TADA3: variants seen among roughly 807,000 people sequenced by gnomAD.
TADA3 encodes transcriptional adaptor 3.
TADA3 carries 25 observed loss-of-function variants against 43.2 expected under a neutral mutation model. That is an observed-to-expected ratio of 0.58 (90% CI 0.42 to 0.81). The LOEUF (loss-of-function observed/expected upper bound fraction) is 0.81. TADA3 is among the 30% of genes least tolerant of loss of function. The pLI is 0.00. For synonymous variants in TADA3, 235 were observed against 225.5 expected, an observed-to-expected ratio of 1.04 and a Z score of -0.38; for missense variants, 441 against 567.8, an observed-to-expected ratio of 0.78 and a Z score of 2.27.
rs1422518061 is a variant in TADA3 at position 9,790,719 on chromosome 3, T to C, written c.207+541A>G. On this transcript the variant is annotated intron_variant, in intron 2 of 8. Coordinates refer to ENST00000301964, the MANE Select transcript of TADA3 (RefSeq NM_006354.5). ...TGAGTTTTTGCAAAAAATTCTCTTT[T>C]AATCCTCACAAAAGCACTAAGGTAG... Among the ~76,000 whole-genome samples, 6 of 152,214 alleles carry C rather than the reference T, an allele frequency of 3.9e-5. No homozygotes were observed. The East Asian group carries it at 9.6e-4, about 24-fold the overall frequency.
intron 2 of TADA3, among the ~76,000 whole-genome samples, chr3:9,790,538 T>G (rs950963978): frequency 6.6e-6 from 1 of 152,206 alleles, no homozygotes; most frequent in Admixed American, 6.5e-5. Context: ...CATAAGCTAC[T>G]GAGGACCAGA....
chr3:9,791,764 G>C (rs1325864292), intron 1 of TADA3, among the ~76,000 whole-genome samples: 1 of 152,240 alleles, frequency 6.6e-6, no homozygotes, highest in East Asian at 1.9e-4. Context: ...GACTCTGTAA[G>C]GGTGGGTATG....
intron 6 of TADA3, among the ~76,000 whole-genome samples, 159 bp from the exon 7 acceptor site, chr3:9,785,584 T>C (rs1478182571): frequency 6.6e-6 from 1 of 152,222 alleles, no homozygotes; most frequent in South Asian, 2.1e-4. Flanking sequence ...CAAATTGCTT[T>C]GATCATTCTA....
chr3:9,791,238 G>A (rs538140725), intron 2 of TADA3, 22 bp downstream of exon 2: 3 of 1,601,358 alleles, frequency 1.9e-6, no homozygotes, highest in South Asian at 1.1e-5. Context: ...CTCTGGTGCT[G>A]GCCCCTCTCT....
In TADA3 at chr3:9,783,887, T is replaced by G. The variant is rs969936973; in HGVS notation, c.1106+141A>C. 5.0e-6 allele frequency: 7 copies of G among 1,396,380 alleles called. No individual in the cohort carries two copies. The African/African-American group carries it at 1.0e-4, about 20-fold the overall frequency. 86.5% of individuals were successfully genotyped at this position (1,396,380 alleles called of 1,614,324 possible). ...GGGACATACCCGGTGGACTGGCCAC[T>G]GCTGTTTTTTTCGAGGCTCTCCAGG... On this transcript the variant is annotated intron_variant, in intron 8 of 8. Coordinates refer to ENST00000301964, the MANE Select transcript of TADA3 (RefSeq NM_006354.5).
At chr3:9,785,969 C>T (rs768071997) in intron 6 of TADA3, among the ~76,000 whole-genome samples, 1 of 151,474 alleles carries the variant, frequency 6.6e-6, no homozygotes, top group Non-Finnish European at 1.5e-5. Context: ...TGGAGTCTCA[C>T]TTTGTCACCC....
chr3:9,786,507 C>A (rs2078615639), intron 6 of TADA3, among the ~76,000 whole-genome samples: 1 of 151,810 alleles, frequency 6.6e-6, no homozygotes, highest in Admixed American at 6.6e-5. Context: ...AAAGACAGGG[C>A]CCCTGAAGCT....
chr3:9,784,260 A>G, intron 7 of TADA3, 47 bp from the exon 8 acceptor site: 1 of 1,577,070 alleles, frequency 6.3e-7, no homozygotes, highest in Non-Finnish European at 8.7e-7. Context: ...AGCTTGGAGA[A>G]GGGCCCACCT....
At chr3:9,782,148 A>G (rs2078484097) in intron 8 of TADA3, among the ~76,000 whole-genome samples, 1 of 151,904 alleles carries the variant, frequency 6.6e-6, no homozygotes, top group Non-Finnish European at 1.5e-5. Flanking sequence ...AGGGCCCACT[A>G]CTTCTGTAAC....
rs1559720807 is a variant in TADA3, at chr3:9,789,544, G to A, written c.529C>T (p.Leu177=). ...SEEVRTLEEL[L]KPPEDEAEHY... ...TCAGCCTCATCTTCTGGGGGCTTCA[G>A]TAACTCCTCAAGTGTGCGGACCTCC... The change falls in exon 4 of 9, where the codon CTG becomes TTG. Residue 177 remains leucine, a synonymous_variant. Transcript: ENST00000301964. 8 of 1,614,054 alleles carry A rather than the reference G, an allele frequency of 5.0e-6. No homozygotes were observed. The highest frequency in any genetic ancestry group is 6.8e-6 in the Non-Finnish European group (8 of 1,180,026).
At chr3:9,790,096 A>C in intron 2 of TADA3, 133 bp from the exon 3 acceptor site, 1 of 1,147,778 alleles carries the variant, frequency 8.7e-7, no homozygotes, top group Non-Finnish European at 1.2e-6. Flanking sequence ...TTACCTAGTA[A>C]ACTCTTACTC....
Position 9,787,230 on chromosome 3 carries a change from G to T in TADA3, c.675C>A (p.Leu225=). ...AAAVADKKKG[L]MGPLTELDTK... is the part of the protein sequence containing the mutation. ...TGTCCAGTTCGGTCAGTGGCCCCATGAGGCCTTTCTTCTTGTCAGCCACAG... is the reference window on the plus strand; with the variant it reads ...TGTCCAGTTCGGTCAGTGGCCCCATTAGGCCTTTCTTCTTGTCAGCCACAG... The change falls in exon 5 of 9, where the codon CTC becomes CTA. Residue 225 remains leucine (L), a synonymous_variant. Transcript: ENST00000301964. The T allele has an allele frequency of 6.2e-7, 1 of 1,614,228 alleles. No homozygotes were observed. Among genetic ancestry groups the T allele is most frequent in the South Asian group, 1.1e-5 (1 of 91,084 alleles).
chr3:9,785,643 G>C (rs1364215792), intron 6 of TADA3, among the ~76,000 whole-genome samples: 1 of 152,216 alleles, frequency 6.6e-6, no homozygotes, highest in Non-Finnish European at 1.5e-5. Context: ...GAACACAGAA[G>C]AGAAATGATT....
chr3:9,784,275 G>C (rs866689051), intron 7 of TADA3, 62 bp from the exon 8 acceptor site: 16 of 1,552,038 alleles, frequency 1.0e-5, no homozygotes, highest in Non-Finnish European at 1.4e-5. Flanking sequence ...CCACCTTGGA[G>C]GTTCCCAGGG....
At chr3:9,788,539 C>G (rs1163620346) in intron 4 of TADA3, among the ~76,000 whole-genome samples, 2 of 148,868 alleles carry the variant, frequency 1.3e-5, no homozygotes, top group Admixed American at 6.7e-5. Flanking sequence ...GCCACCGCAC[C>G]CGGCTTTTTT....
At chr3:9,784,353 G>C in intron 7 of TADA3, 140 bp from the exon 8 acceptor site, 1 of 1,119,406 alleles carries the variant, frequency 8.9e-7, no homozygotes, top group Non-Finnish European at 1.2e-6. Context: ...CAGATACAAA[G>C]GGAGGGACAG....
At position 9,780,280 on chromosome 3, in the gene TADA3, TC is replaced by T; in HGVS notation, c.*76del. On this transcript the variant is annotated 3_prime_UTR_variant, in exon 9 of 9. Transcript: ENST00000301964. ...TGAGGGACAGCCACAGGCCAATGTT[TC>T]CTGTGCCCAAAGAAGGAAGTGGGCC... is the stretch of plus-strand genomic sequence containing the variant. 1 of 1,460,876 alleles carries T rather than the reference TC, an allele frequency of 6.8e-7. No homozygotes were observed. The highest frequency in any genetic ancestry group is 9.3e-7 in the Non-Finnish European group (1 of 1,078,264). 90.5% of individuals were successfully genotyped at this position (1,460,876 alleles called of 1,614,324 possible).
At chr3:9,785,473 T>C (rs372966021) in intron 6 of TADA3, 48 bp from the exon 7 acceptor site, 3 of 1,313,438 alleles carry the variant, frequency 2.3e-6, no homozygotes, top group Non-Finnish European at 3.3e-6. Flanking sequence ...TGTTCCACTT[T>C]CCTGCTCCTT....
At chr3:9,785,978 C>T (rs1238365324) in intron 6 of TADA3, among the ~76,000 whole-genome samples, 2 of 151,944 alleles carry the variant, frequency 1.3e-5, no homozygotes, top group East Asian at 3.9e-4. Flanking sequence ...ACTTTGTCAC[C>T]CAGGCTGTGG....
Sources: allele counts gnomAD v4.1 joint callset (sites outside exome capture counted in the v4.1 genomes callset), GRCh38; gene constraint gnomAD v4.1.1; transcripts MANE v1.5; gene names NCBI Gene and HGNC (gene_info 2026-07-23, HGNC 2026-07-21).